Variants in GPHN observed in about 807,000 individuals in gnomAD.
GPHN encodes gephyrin.
GPHN carries 17 observed loss-of-function variants against 95.5 expected under a neutral mutation model. That is an observed-to-expected ratio of 0.18 (90% confidence interval 0.12 to 0.27). The LOEUF is 0.27. Among genes scored for constraint, GPHN ranks in the 10% least tolerant of loss-of-function variants. The pLI is 1.00. For missense variants in GPHN, 660 were observed against 978.1 expected, an observed-to-expected ratio of 0.67 and a Z score of 4.34; for synonymous variants, 320 against 322.5, an observed-to-expected ratio of 0.99 and a Z score of 0.08.
chr14:66,748,619 G>C (rs2058252571), intron 2 of GPHN, among the ~76,000 whole-genome samples: 2 of 151,900 alleles, frequency 1.3e-5, no homozygotes, highest in Non-Finnish European at 2.9e-5. Context: ...CATTATACAG[G>C]TTGAATATCC....
At chr14:67,202,179 G>A in the GPHN span, among the ~76,000 whole-genome samples, 2 of 152,312 alleles carry the variant, frequency 1.3e-5, no homozygotes, top group East Asian at 1.9e-4. Context: ...AGCGGCTCAC[G>A]CCTGTAATCC....
chr14:67,123,950 C>G (rs1338178293), intron 17 of GPHN, among the ~76,000 whole-genome samples: 2 of 152,202 alleles, frequency 1.3e-5, no homozygotes, highest in African/African-American at 4.8e-5. Flanking sequence ...TGCCAGTAAC[C>G]TGAAAGGTAG....
At chr14:67,724,959 G>T in the GPHN span, 1 of 1,019,476 alleles carries the variant, frequency 9.8e-7, no homozygotes, top group Admixed American at 1.7e-5. Flanking sequence ...TGAAAAGCCC[G>T]AAGTGGCAAT....
At chr14:67,177,840 C>G (rs2140172359) in intron 21 of GPHN, among the ~76,000 whole-genome samples, 1 of 152,306 alleles carries the variant, frequency 6.6e-6, no homozygotes, top group South Asian at 2.1e-4. Context: ...TAATGGCCTT[C>G]TTTGTCTCTT....
chr14:66,709,525 C>T (rs2069413221), intron 2 of GPHN: 7 of 403,776 alleles, frequency 1.7e-5, no homozygotes, highest in Non-Finnish European at 3.1e-5. Flanking sequence ...GATTCATGTC[C>T]CAGTGGGATG....
intron 10 of GPHN, among the ~76,000 whole-genome samples, chr14:67,024,108 A>T (rs2073804336): frequency 6.6e-6 from 1 of 152,176 alleles, no homozygotes; most frequent in Non-Finnish European, 1.5e-5. Context: ...ACATATAATA[A>T]CTTCACAGGC....
At chr14:67,517,698 CA>C in the GPHN span, among the ~76,000 whole-genome samples, 38 of 151,990 alleles carry the variant, frequency 2.5e-4, no homozygotes, top group African/African-American at 4.6e-4. Flanking sequence ...CATTTCTTCC[CA>C]AAAAAATTTA....
chr14:67,637,958 G>A, the GPHN span, among the ~76,000 whole-genome samples: 1 of 152,164 alleles, frequency 6.6e-6, no homozygotes, highest in Non-Finnish European at 1.5e-5. Context: ...GAGGAGGTGT[G>A]CTTTCTCAAT....
At chr14:67,103,637 T>G (rs1357723488) in intron 13 of GPHN, among the ~76,000 whole-genome samples, 1 of 151,582 alleles carries the variant, frequency 6.6e-6, no homozygotes, top group Non-Finnish European at 1.5e-5. Context: ...TTTGTAGTTA[T>G]TATACATGGG....
the GPHN span, among the ~76,000 whole-genome samples, chr14:67,233,077 T>C: frequency 6.7e-6 from 1 of 150,174 alleles, no homozygotes; most frequent in Non-Finnish European, 1.5e-5. Flanking sequence ...AGGGATCCAC[T>C]GTGCTGTTCC....
intron 1 of GPHN, among the ~76,000 whole-genome samples, chr14:66,656,820 T>G (rs1027454237): frequency 6.6e-6 from 1 of 152,158 alleles, no homozygotes; most frequent in East Asian, 1.9e-4. Context: ...CCCATCTCTT[T>G]CTCTCTCCAT....
rs1163064011 is a variant in GPHN, at chr14:67,181,774, TA to T, written c.*844del. Reference sequence around the variant, plus strand: ...TGTAATGATACTGAAACTTAATGAATAAAAAAATTCCTTGATCATTATTTAA... The same window carrying T: ...TGTAATGATACTGAAACTTAATGAATAAAAAATTCCTTGATCATTATTTAA... On this transcript the variant is annotated 3_prime_UTR_variant, in exon 23 of 23. Transcript: ENST00000478722. 2.7e-5 allele frequency: 5 copies of T among 183,742 alleles called. No homozygotes were observed. Among genetic ancestry groups the T allele is most frequent in the Non-Finnish European group, 4.6e-5 (4 of 86,210 alleles). 11.4% of individuals were successfully genotyped at this position (183,742 alleles called of 1,614,324 possible).
chr14:66,539,178 T>G (rs1177426873), intron 1 of GPHN, among the ~76,000 whole-genome samples: 2 of 152,142 alleles, frequency 1.3e-5, no homozygotes, highest in South Asian at 2.1e-4. Flanking sequence ...TTTAAATTCA[T>G]GCAAATGTGG....
chr14:67,003,689 A>G (rs916183197), intron 9 of GPHN, among the ~76,000 whole-genome samples: 3 of 151,720 alleles, frequency 2.0e-5, no homozygotes, highest in African/African-American at 7.2e-5. Flanking sequence ...ATGTATGCCA[A>G]TATCATTAAA....
intron 4 of GPHN, among the ~76,000 whole-genome samples, chr14:66,875,245 C>T (rs1331409761): frequency 6.6e-6 from 1 of 152,188 alleles, no homozygotes; most frequent in African/African-American, 2.4e-5. Context: ...CTTACAAGAG[C>T]TCCTGAAGGA....
At chr14:67,489,490 TGAA>T in the GPHN span, among the ~76,000 whole-genome samples, 1 of 152,188 alleles carries the variant, frequency 6.6e-6, no homozygotes, top group Non-Finnish European at 1.5e-5. Context: ...GCTGGGAGCG[TGAA>T]GAAGCAGAGA....
At chr14:66,702,412 C>A (rs562315662) in intron 2 of GPHN, among the ~76,000 whole-genome samples, 5 of 152,222 alleles carry the variant, frequency 3.3e-5, no homozygotes, top group African/African-American at 1.2e-4. Flanking sequence ...GATTGGTGTC[C>A]CTTGAGATCA....
At chr14:67,167,018 A>G (rs948386957) in intron 20 of GPHN, among the ~76,000 whole-genome samples, 1 of 152,222 alleles carries the variant, frequency 6.6e-6, no homozygotes, top group Non-Finnish European at 1.5e-5. Context: ...CCTGTAGGCC[A>G]TGCGTTTAAA....
At chr14:66,849,569 T>G (rs1044529212) in intron 4 of GPHN, among the ~76,000 whole-genome samples, 2 of 152,054 alleles carry the variant, frequency 1.3e-5, no homozygotes, top group Non-Finnish European at 2.9e-5. Context: ...AATTGTATTT[T>G]TATTGGCATA....
Sources: allele counts gnomAD v4.1 joint callset (sites outside exome capture counted in the v4.1 genomes callset), GRCh38; gene constraint gnomAD v4.1.1; transcripts MANE v1.5; gene names NCBI Gene and HGNC (gene_info 2026-07-23, HGNC 2026-07-21).